The following ARID1B variants were observed in gnomAD, a reference collection of about 807,000 sequenced individuals.
The protein encoded by ARID1B is AT-rich interaction domain 1B, also known as AT-rich interactive domain-containing protein 1B.
In ARID1B, 30 loss-of-function variants were observed where a neutral mutation model predicts 212.3. That is an observed-to-expected ratio of 0.14 (90% CI 0.11 to 0.19). The LOEUF (loss-of-function observed/expected upper bound fraction) is 0.19, where lower values mean the gene tolerates loss of function less well. Among genes scored for constraint, ARID1B ranks in the 10% least tolerant of loss-of-function variants. The probability of loss-of-function intolerance (pLI) is 1.00; values close to 1 mark genes in which losing one functional copy is unlikely to be tolerated. For missense variants in ARID1B, 2,891 were observed against 3,204.0 expected (o/e 0.90, Z 2.36); for synonymous variants, 1,402 against 1,301.7 (o/e 1.08, Z -1.66).
rs1427066673 is a variant in ARID1B at position 157,094,936 on chromosome 6, G to C, written c.2491+10031G>C. ...GAAGACAGAGGAACACGTTTTTGAA[G>C]GGGAATCGAGAGTTTGGTTTTAAAC... On this transcript the variant is annotated intron_variant, in intron 5 of 19. Transcript: ENST00000636930. This position sits in a 1 kb window ranked among gnomAD's most constrained non-coding sequence, Gnocchi z 4.3. Among the ~76,000 whole-genome samples the C allele has an allele frequency of 6.6e-6, 1 of 152,146 alleles. No homozygotes were observed. Among genetic ancestry groups the C allele is most frequent in the Non-Finnish European group, 1.5e-5 (1 of 68,028 alleles).
intron 1 of ARID1B, among the ~76,000 whole-genome samples, chr6:156,784,015 A>G (rs1779460457): frequency 6.6e-6 from 1 of 152,226 alleles, no homozygotes; most frequent in Non-Finnish European, 1.5e-5. Flanking sequence ...AAATATTAAT[A>G]AAACTTAATT....
At chr6:157,124,388 G>C (rs1476960772) in intron 6 of ARID1B, among the ~76,000 whole-genome samples, 1 of 152,216 alleles carries the variant, frequency 6.6e-6, no homozygotes, top group African/African-American at 2.4e-5. Flanking sequence ...AACAATAGCA[G>C]TATGCTAACT....
rs1491501528 is a variant in ARID1B at position 157,060,629 on chromosome 6, ACT to A, written c.2248-24032_2248-24031del. On this transcript the variant is annotated intron_variant, in intron 4 of 19. Coordinates refer to ENST00000636930, the MANE Select transcript of ARID1B (RefSeq NM_001374828.1). ...TTAATATATGTGAAGCAAAATCTGA[ACT>A]TTTTTTTTTTTTTTTTTTTTTTTTT... Among the ~76,000 whole-genome samples the A allele has an allele frequency of 4.1e-4, 23 of 56,494 alleles. No individual in the cohort carries two copies. In the Admixed American group the frequency reaches 5.0e-3, roughly 12 times the overall value. The allele number at this position is 56,494 out of a possible 152,430, so 37.1% of individuals were successfully genotyped here. A position where few individuals can be genotyped will look rare whatever the true frequency, so the allele number is the denominator to read the frequency against.
intron 4 of ARID1B, among the ~76,000 whole-genome samples, chr6:157,064,651 C>A (rs1487551123): frequency 1.3e-5 from 2 of 152,214 alleles, no homozygotes; most frequent in Non-Finnish European, 2.9e-5. Flanking sequence ...CCTTTAGCTG[C>A]TGCACCTGAC....
intron 8 of ARID1B, chr6:157,149,817 GTGTGTGCA>G (rs1260125653): frequency 2.7e-5 from 4 of 149,996 alleles, no homozygotes; most frequent in African/African-American, 1.0e-4. Flanking sequence ...GTGTGTGTGC[GTGTGTGCA>G]TGTGTGTGCG....
chr6:157,014,482 A>C (rs1779790853), intron 4 of ARID1B, among the ~76,000 whole-genome samples: 1 of 152,334 alleles, frequency 6.6e-6, no homozygotes, highest in South Asian at 2.1e-4. Flanking sequence ...GAGGTATGCT[A>C]TGAATTATTG....
intron 4 of ARID1B, among the ~76,000 whole-genome samples, chr6:156,949,630 T>G (rs1793430493): frequency 6.6e-6 from 1 of 152,224 alleles, no homozygotes; most frequent in Non-Finnish European, 1.5e-5. Flanking sequence ...AGCCTGTGAC[T>G]TCATTGCTGA....
At chr6:157,112,985 G>A (rs899176038) in intron 6 of ARID1B, among the ~76,000 whole-genome samples, 11 of 150,582 alleles carry the variant, frequency 7.3e-5, no homozygotes, top group Non-Finnish European at 1.2e-4. Flanking sequence ...GCAATGGCAC[G>A]ATCTCAGCTC....
intron 10 of ARID1B, chr6:157,174,362 C>T (rs950684185): frequency 1.9e-5 from 7 of 376,038 alleles, no homozygotes; most frequent in African/African-American, 1.2e-4. Context: ...GGACAAGACC[C>T]ACCTAAGAAA....
intron 4 of ARID1B, among the ~76,000 whole-genome samples, chr6:156,975,599 T>G (rs1777171687): frequency 6.7e-6 from 1 of 149,084 alleles, no homozygotes. Flanking sequence ...TTAGTTTGAC[T>G]GTATTTTTTT....
At chr6:157,138,309 C>G (rs1789082026) in intron 7 of ARID1B, among the ~76,000 whole-genome samples, 1 of 152,146 alleles carries the variant, frequency 6.6e-6, no homozygotes, top group Non-Finnish European at 1.5e-5. Context: ...AACCTTGACT[C>G]ACTGCAACCT....
chr6:157,197,936 C>T (rs1335033211), intron 16 of ARID1B, among the ~76,000 whole-genome samples: 4 of 152,186 alleles, frequency 2.6e-5, no homozygotes, highest in Non-Finnish European at 5.9e-5. Flanking sequence ...GTGTCTGTTT[C>T]ACATGTGATA....
intron 2 of ARID1B, among the ~76,000 whole-genome samples, chr6:156,846,481 G>C (rs1366919787): frequency 6.6e-6 from 1 of 152,054 alleles, no homozygotes; most frequent in African/African-American, 2.4e-5. Flanking sequence ...TTCTTGAGGT[G>C]TCTGGTGGTC....
intron 2 of ARID1B, among the ~76,000 whole-genome samples, chr6:156,897,259 T>TTCC (rs1397127140): frequency 8.2e-6 from 1 of 121,774 alleles, no homozygotes; most frequent in African/African-American, 3.2e-5. Flanking sequence ...CTTCTTCTTC[T>TTCC]TCTTCTTATT....
rs536304765 is a variant in ARID1B, at chr6:157,104,711, G to A, written c.2492-5761G>A. 3.3e-5 allele frequency among the ~76,000 whole-genome samples: 5 copies of A among 152,222 alleles called. 1 individual carries two copies. Among genetic ancestry groups the A allele is most frequent in the African/African-American group, 4.8e-5 (2 of 41,522 alleles). ...TAACATAAAATATACAAACCCTCTA[G>A]GTACCTGAAAGAAACTAAAGAAGAC... On this transcript the variant is annotated intron_variant, in intron 5 of 19. Transcript: ENST00000636930.
chr6:157,175,028 T>C (rs778400285), intron 11 of ARID1B, 23 bp downstream of exon 11: 2 of 1,359,608 alleles, frequency 1.5e-6, no homozygotes, highest in Non-Finnish European at 1.9e-6. Flanking sequence ...GGTTTTTTTT[T>C]GTTTTTTTTG....
chr6:156,790,458 A>G (rs972263895), intron 1 of ARID1B, among the ~76,000 whole-genome samples: 2 of 152,154 alleles, frequency 1.3e-5, no homozygotes, highest in Non-Finnish European at 2.9e-5. Flanking sequence ...ACAGACAATA[A>G]CTCTGGCCTC....
chr6:157,186,723 T>C (rs1202639988), intron 13 of ARID1B: 2 of 348,596 alleles, frequency 5.7e-6, no homozygotes, highest in Non-Finnish European at 1.1e-5. Context: ...AACATAATTA[T>C]AGTTTATTTT....
intron 4 of ARID1B, chr6:156,985,712 CT>C: frequency 6.6e-6 from 1 of 152,262 alleles, no homozygotes; most frequent in Non-Finnish European, 1.5e-5. Flanking sequence ...ATTGCATATA[CT>C]TTTTGTAGCC....
Sources: gnomAD v4.1 joint callset for allele counts (sites outside exome capture counted in the v4.1 genomes callset) on GRCh38, gnomAD v4.1.1 for gene constraint, Gnocchi (gnomAD v3.1) non-coding constraint, MANE v1.5 for transcripts, NCBI Gene and HGNC (gene_info 2026-07-23, HGNC 2026-07-21) for gene names.